ZNF516: variants seen among roughly 807,000 people sequenced by gnomAD.
ZNF516 encodes the protein zinc finger protein 516.
ZNF516 carries 19 observed loss-of-function variants against 79.7 expected under a neutral mutation model. That is an observed-to-expected ratio of 0.24 (90% CI 0.17 to 0.35). The LOEUF (loss-of-function observed/expected upper bound fraction) is 0.35, where lower values mean the gene tolerates loss of function less well. ZNF516 is among the 10% of genes least tolerant of loss of function. The pLI, the probability that ZNF516 is intolerant of heterozygous loss-of-function variation, is 1.00. For missense variants in ZNF516, 1,678 were observed against 1,679.5 expected (o/e 1.00, Z 0.02); for synonymous variants, 877 against 739.5 (o/e 1.19, Z -3.02).
In ZNF516 at chr18:76,459,102, C is replaced by A. The variant is rs1005216676; in HGVS notation, c.-158+3926G>T. Among the ~76,000 whole-genome samples, 3 of 152,248 alleles carry A rather than the reference C, an allele frequency of 2.0e-5. No homozygotes were observed. Among genetic ancestry groups the A allele is most frequent in the Non-Finnish European group, 4.4e-5 (3 of 68,042 alleles). On this transcript the variant is annotated intron_variant, in intron 2 of 6. Coordinates refer to ENST00000443185, the MANE Select transcript of ZNF516 (RefSeq NM_014643.4). The surrounding 1 kb of genome is among the most constrained non-coding windows in gnomAD (Gnocchi z 5.0). ...GGCAAACACGCATGTCCACTTCCAA[C>A]AATCTACCAGCAACACTCGTGCCCA... is the stretch of plus-strand genomic sequence containing the variant.
intron 4 of ZNF516, among the ~76,000 whole-genome samples, chr18:76,376,572 T>A (rs947835343): frequency 1.3e-5 from 2 of 151,920 alleles, no homozygotes; most frequent in Non-Finnish European, 2.9e-5. Context: ...ATTTATTTTT[T>A]AAAATGTCTG....
chr18:76,458,874 C>A (rs886683978), intron 2 of ZNF516, among the ~76,000 whole-genome samples: 1 of 152,086 alleles, frequency 6.6e-6, no homozygotes, highest in Non-Finnish European at 1.5e-5. Flanking sequence ...CCAGGCCTCA[C>A]CGTCGTGTGT....
intron 3 of ZNF516, among the ~76,000 whole-genome samples, chr18:76,405,846 C>A (rs1333465489): frequency 6.6e-6 from 1 of 152,106 alleles, no homozygotes; most frequent in Non-Finnish European, 1.5e-5. Context: ...AGGCGACTCA[C>A]CTTCCTTTGG....
intron 2 of ZNF516, among the ~76,000 whole-genome samples, chr18:76,454,160 G>A (rs1328469458): frequency 2.6e-5 from 4 of 152,176 alleles, no homozygotes; most frequent in Admixed American, 6.6e-5. Flanking sequence ...ATTACCTTCC[G>A]ATGTAGTGCT....
At position 76,360,821 on chromosome 18, in the gene ZNF516, T is replaced by TA. The variant is rs1189413546; in HGVS notation, c.*1676dup. Reference sequence around the variant, plus strand: ...ATAATAATAATAATAATAATAATAATATAATAATATTCAACAAATCATTAG... The same window carrying TA: ...ATAATAATAATAATAATAATAATAATAATAATAATATTCAACAAATCATTAG... On this transcript the variant is annotated 3_prime_UTR_variant, in exon 7 of 7. Coordinates refer to ENST00000443185, the MANE Select transcript of ZNF516 (RefSeq NM_014643.4). 2.2e-4 allele frequency: 32 copies of TA among 146,816 alleles called. No individual in the cohort carries two copies. The highest frequency in any genetic ancestry group is 7.7e-4 in the African/African-American group (31 of 40,014). 9.1% of individuals were successfully genotyped at this position (146,816 alleles called of 1,614,324 possible).
intron 3 of ZNF516, among the ~76,000 whole-genome samples, chr18:76,404,607 GTA>G (rs1203731001): frequency 6.6e-6 from 1 of 152,204 alleles, no homozygotes; most frequent in Admixed American, 6.5e-5. Context: ...GCATACTAGT[GTA>G]TGTTTGTAAG....
intron 2 of ZNF516, among the ~76,000 whole-genome samples, chr18:76,452,443 T>TA: frequency 6.6e-6 from 1 of 152,358 alleles, no homozygotes; most frequent in South Asian, 2.1e-4. Context: ...AATAAGGCTT[T>TA]AGTACGCGAA....
chr18:76,401,765 GC>G (rs2075228417), intron 3 of ZNF516, among the ~76,000 whole-genome samples: 1 of 143,598 alleles, frequency 7.0e-6, no homozygotes, highest in Non-Finnish European at 1.6e-5. Flanking sequence ...ACACCCCCGC[GC>G]TCCATCTCTC....
chr18:76,417,987 G>A (rs74641175), intron 3 of ZNF516, among the ~76,000 whole-genome samples: 2,628 of 152,174 alleles, frequency 0.017, 72 homozygotes, highest in African/African-American at 0.058. Context: ...TAGCTTTTTC[G>A]GTAAAAATAA....
Position 76,486,477 on chromosome 18 carries a change from C to G in ZNF516, c.-272+8667G>C, listed in dbSNP as rs1240945488. On this transcript the variant is annotated intron_variant, in intron 1 of 6. Coordinates refer to ENST00000443185, the MANE Select transcript of ZNF516 (RefSeq NM_014643.4). Reference sequence around the variant, plus strand: ...GCGCTGAAAAATTTTTAATTCTTAGCCATTAACAAGAAATTATAGTTTTAA... The same window carrying G: ...GCGCTGAAAAATTTTTAATTCTTAGGCATTAACAAGAAATTATAGTTTTAA... Among the ~76,000 whole-genome samples the G allele has an allele frequency of 2.0e-5, 3 of 152,124 alleles. No homozygotes were observed. In the East Asian group the frequency reaches 5.8e-4, roughly 29 times the overall value.
At chr18:76,481,256 C>A (rs1420183949) in intron 1 of ZNF516, among the ~76,000 whole-genome samples, 3 of 152,196 alleles carry the variant, frequency 2.0e-5, no homozygotes, top group Non-Finnish European at 4.4e-5. Context: ...TTAAGTTTCT[C>A]ATTTGTGATG....
intron 3 of ZNF516, among the ~76,000 whole-genome samples, chr18:76,410,982 T>C (rs766168771): frequency 1.1e-4 from 17 of 152,222 alleles, no homozygotes; most frequent in Non-Finnish European, 2.1e-4. Context: ...TAAAAGCAGA[T>C]AAAACTTTCA....
At chr18:76,491,401 TCCCCCCGCC>T (rs986776802) in intron 1 of ZNF516, among the ~76,000 whole-genome samples, 4 of 63,044 alleles carry the variant, frequency 6.3e-5, no homozygotes, top group Non-Finnish European at 6.5e-5. Context: ...CCCCGCCGGC[TCCCCCCGCC>T]CGCCCCGCCC....
At chr18:76,386,056 G>C (rs969922851) in intron 3 of ZNF516, 8 of 152,200 alleles carry the variant, frequency 5.3e-5, no homozygotes, top group Non-Finnish European at 1.2e-4. Flanking sequence ...TCTCATTTCT[G>C]CCCCTCTATA....
At chr18:76,403,445 C>T (rs975382846) in intron 3 of ZNF516, among the ~76,000 whole-genome samples, 1 of 152,192 alleles carries the variant, frequency 6.6e-6, no homozygotes, top group East Asian at 1.9e-4. Context: ...GGGGGGCACA[C>T]ACGGCACAGG....
At chr18:76,488,908 A>C (rs1013551516) in intron 1 of ZNF516, among the ~76,000 whole-genome samples, 1 of 152,244 alleles carries the variant, frequency 6.6e-6, no homozygotes, top group Non-Finnish European at 1.5e-5. Context: ...TAATTAGGTA[A>C]TTAACAGAAG....
chr18:76,443,324 A>T (rs1403394664), intron 2 of ZNF516, 113 bp from the exon 3 acceptor site: 17 of 453,094 alleles, frequency 3.8e-5, no homozygotes, highest in Admixed American at 1.3e-4. Context: ...CACATTAAGA[A>T]AAGCGGCACC....
rs1428828425 is a variant in ZNF516 at position 76,458,768 on chromosome 18, GCCT to G, written c.-158+4257_-158+4259del. ...AGGCCTCACCGTCGTGCGTGTGTGT[GCCT>G]CGTGTGCGTGCCTCACCGTCGTGCG... is the stretch of plus-strand genomic sequence containing the variant. On this transcript the variant is annotated intron_variant, in intron 2 of 6. Transcript: ENST00000443185. 2.2e-5 allele frequency among the ~76,000 whole-genome samples: 3 copies of G among 137,858 alleles called. No individual in the cohort carries two copies. In the East Asian group the frequency reaches 6.1e-4, roughly 28 times the overall value. 90.4% of individuals were successfully genotyped at this position (137,858 alleles called of 152,430 possible).
rs541874719 is a variant in ZNF516, at chr18:76,404,003, G to A, written c.1811-23700C>T. On this transcript the variant is annotated intron_variant, in intron 3 of 6. Coordinates refer to ENST00000443185, the MANE Select transcript of ZNF516 (RefSeq NM_014643.4). ...CCCTGTGGCCCCCACGTGGGTACCA[G>A]AGCAGCAGCGGACAGGCTGGCAGCC... is the stretch of plus-strand genomic sequence containing the variant. Among the ~76,000 whole-genome samples, 5 of 152,366 alleles carry A rather than the reference G, an allele frequency of 3.3e-5. No homozygotes were observed. The South Asian group carries it at 1.0e-3, about 32-fold the overall frequency.
Sources: gnomAD v4.1 joint callset for allele counts (sites outside exome capture counted in the v4.1 genomes callset) on GRCh38, gnomAD v4.1.1 for gene constraint, Gnocchi (gnomAD v3.1) non-coding constraint, MANE v1.5 for transcripts, NCBI Gene and HGNC (gene_info 2026-07-23, HGNC 2026-07-21) for gene names.